GBP1: variants seen among roughly 807,000 people sequenced by gnomAD.
The protein encoded by GBP1 is guanylate-binding protein 1.
In GBP1, 64 loss-of-function variants were observed where a neutral mutation model predicts 69.5. The ratio of observed to expected loss-of-function variants is 0.92; its 90% CI spans 0.75 to 1.13. GBP1 has a LOEUF of 1.13. Ranked by LOEUF, GBP1 falls within the 50% of genes most tolerant of loss-of-function variation. GBP1 has a pLI of 0.00. For missense variants in GBP1, 630 were observed against 704.1 expected, an observed-to-expected ratio of 0.89 and a Z score of 1.19; for synonymous variants, 250 against 261.2, an observed-to-expected ratio of 0.96 and a Z score of 0.41.
intron 8 of GBP1, chr1:89,055,611 C>A: frequency 2.8e-6 from 1 of 351,374 alleles, no homozygotes; most frequent in Non-Finnish European, 5.3e-6. Context: ...GATGGGGGAA[C>A]ACTGGACAGA....
chr1:89,053,982 T>C (rs1570934552), intron 10 of GBP1, among the ~76,000 whole-genome samples: 1 of 152,258 alleles, frequency 6.6e-6, no homozygotes, highest in Non-Finnish European at 1.5e-5. Context: ...CGCTAAGTGA[T>C]GAAGACAGCT....
At position 89,063,231 on chromosome 1, in the gene GBP1, C is replaced by T; in HGVS notation, c.4G>A (p.Ala2Thr). 1 of 1,613,798 alleles carries T rather than the reference C, an allele frequency of 6.2e-7. No homozygotes were observed. The highest frequency in any genetic ancestry group is 1.3e-5 in the African/African-American group (1 of 75,006). Reference protein sequence around the residue: MASEIHMTGPMC... With the variant: MTSEIHMTGPMC... ...GGGCCTGTCATGTGGATCTCTGATG[C>T]CATGTCCAGGCTGTTCCCTTGTCTG... Residue 2 changes from alanine to threonine, a missense_variant, in exon 2 of 11, where the codon GCA becomes ACA. Physicochemically the swap from Ala to Thr is moderately conservative, Grantham distance 58. Coordinates refer to ENST00000370473, the MANE Select transcript of GBP1 (RefSeq NM_002053.3).
At position 89,056,897 on chromosome 1, in the gene GBP1, C is replaced by G; in HGVS notation, c.1112G>C (p.Ser371Thr). 1 of 1,614,248 alleles carries G rather than the reference C, an allele frequency of 6.2e-7. No homozygotes were observed. The highest frequency in any genetic ancestry group is 8.5e-7 in the Non-Finnish European group (1 of 1,180,046). ...TAGATGGTCCACATCTTTGAAGGAACTCCTGATGAAGACTTCAATGGCCTC... is the reference window on the plus strand; with the variant it reads ...TAGATGGTCCACATCTTTGAAGGAAGTCCTGATGAAGACTTCAATGGCCTC... ...EREAIEVFIR[S>T]SFKDVDHLFQ... is the part of the protein sequence containing the mutation. The change falls in exon 7 of 11, where the codon AGT (serine) becomes ACT (threonine). Residue 371 changes from serine (S) to threonine (T), a missense_variant. Around this residue, in one of 5 missense-constraint regions of GBP1, gnomAD observed 367 missense variants for 369.5 expected, o/e 0.99. Coordinates refer to ENST00000370473, the MANE Select transcript of GBP1 (RefSeq NM_002053.3).
At position 89,054,891 on chromosome 1, in the gene GBP1, C is replaced by A. The variant is rs10922554; in HGVS notation, c.1472-16G>T. The A allele has an allele frequency of 0.78, 1,246,887 of 1,607,436 alleles. 486,508 individuals are homozygous for A. Among genetic ancestry groups the A allele is most frequent in the African/African-American group, 0.81 (60,319 of 74,464 alleles). On this transcript the variant is annotated splice_polypyrimidine_tract_variant and intron_variant, in intron 9 of 10. Transcript: ENST00000370473. ...ACACGTTCCACTGAGGAGGAAAAGGCAGAAGAAAAATTTGTGTGGGGTTAT... is the reference window on the plus strand; with the variant it reads ...ACACGTTCCACTGAGGAGGAAAAGGAAGAAGAAAAATTTGTGTGGGGTTAT...
At position 89,059,384 on chromosome 1, in the gene GBP1, G is replaced by T; in HGVS notation, c.361C>A (p.Leu121Ile). 1 of 1,614,126 alleles carries T rather than the reference G, an allele frequency of 6.2e-7. No individual in the cohort carries two copies. Among genetic ancestry groups the T allele is most frequent in the Non-Finnish European group, 8.5e-7 (1 of 1,180,010 alleles). ...NDSWIFALAV[L>I]LSSTFVYNSI... ...TTGTACACGAAGGTGCTGCTCAGGA[G>T]GACGGCCAGGGCGAAGATCCAGGAG... is the stretch of plus-strand genomic sequence containing the variant. Residue 121 changes from leucine to isoleucine, a missense_variant, in exon 4 of 11, where the codon CTC becomes ATC. By Grantham distance (5) the Leu-to-Ile change is conservative. This residue lies in a region of GBP1 where 26 missense variants were observed against 54.9 expected (regional missense o/e 0.47). Transcript: ENST00000370473.
At chr1:89,056,516 C>T (rs190867443) in intron 7 of GBP1, among the ~76,000 whole-genome samples, 7 of 152,284 alleles carry the variant, frequency 4.6e-5, no homozygotes, top group South Asian at 2.1e-4. Context: ...TGTGGCTGAA[C>T]GGAAGCCTGC....
Position 89,063,381 on chromosome 1 carries a change from A to G in GBP1, c.-19-128T>C, listed in dbSNP as rs527325586. 3 of 736,502 alleles carry G rather than the reference A, an allele frequency of 4.1e-6. No homozygotes were observed. The African/African-American group carries it at 5.3e-5, about 13-fold the overall frequency. The allele number at this position is 736,502 out of a possible 1,614,324, so 45.6% of individuals were successfully genotyped here. On this transcript the variant is annotated intron_variant, in intron 1 of 10. Coordinates refer to ENST00000370473, the MANE Select transcript of GBP1 (RefSeq NM_002053.3). The stretch of plus-strand genomic sequence containing the variant: ...GCAAAAGAGATGAGGCAAAATCTGT[A>G]TCATTTGAGAAAGTTATGGAAGTAT...
chr1:89,056,944 G>C lies in GBP1; in HGVS notation c.1065C>G (p.Asp355Glu), dbSNP rs746746558. The change falls in exon 7 of 11, where the codon GAC (aspartate) becomes GAG (glutamate). Residue 355 changes from aspartate (D) to glutamate (E), a missense_variant. Coordinates refer to ENST00000370473, the MANE Select transcript of GBP1 (RefSeq NM_002053.3). ...CCTCTCTCTCACTGTCCCTGTGCAG[G>C]TCCAGCAGCTCCTGGAGGGTTTCTG... ...LPTETLQELL[D>E]LHRDSEREAI... The C allele has an allele frequency of 6.2e-7, 1 of 1,614,196 alleles. No individual in the cohort carries two copies. The highest frequency in any genetic ancestry group is 1.1e-5 in the South Asian group (1 of 91,090).
At chr1:89,060,856 A>G (rs906683134) in intron 2 of GBP1, among the ~76,000 whole-genome samples, 17 of 152,286 alleles carry the variant, frequency 1.1e-4, no homozygotes, top group Non-Finnish European at 2.4e-4. Context: ...AATTCATCAA[A>G]GTTGCAGCAT....
chr1:89,058,946 G>C lies in GBP1; in HGVS notation c.526C>G (p.Pro176Ala). The C allele has an allele frequency of 6.2e-7, 1 of 1,614,102 alleles. No individual in the cohort carries two copies. The highest frequency in any genetic ancestry group is 8.5e-7 in the Non-Finnish European group (1 of 1,180,034). Reference sequence around the variant, plus strand: ...TCTCTCAGTGTCCACACAAAGTCTGGGAAGAAGCTCACAAAGTCAGCTGAA... The same window carrying C: ...TCTCTCAGTGTCCACACAAAGTCTGCGAAGAAGCTCACAAAGTCAGCTGAA... ...EDSADFVSFF[P>A]DFVWTLRDFS... Residue 176 changes from proline to alanine, a missense_variant, in exon 5 of 11, where the codon CCA becomes GCA. Around this residue, in one of 5 missense-constraint regions of GBP1, gnomAD observed 367 missense variants for 369.5 expected, o/e 0.99. Coordinates refer to ENST00000370473, the MANE Select transcript of GBP1 (RefSeq NM_002053.3).
At chr1:89,061,453 G>C (rs575341759) in intron 2 of GBP1, among the ~76,000 whole-genome samples, 68 of 152,158 alleles carry the variant, frequency 4.5e-4, no homozygotes, top group Non-Finnish European at 7.8e-4. Flanking sequence ...TTGAGGAAAT[G>C]ATATATCTCC....
intron 1 of GBP1, among the ~76,000 whole-genome samples, chr1:89,063,703 C>T (rs1318657339): frequency 2.6e-5 from 4 of 152,168 alleles, no homozygotes; most frequent in African/African-American, 9.7e-5. Flanking sequence ...AGAAAAATTT[C>T]CAAAGATTTT....
intron 10 of GBP1, 110 bp downstream of exon 10, chr1:89,054,572 C>G: frequency 6.2e-6 from 6 of 964,568 alleles, no homozygotes; most frequent in Non-Finnish European, 9.6e-6. Flanking sequence ...AGTAAGCAAG[C>G]AGGGTCCTTA....
intron 2 of GBP1, among the ~76,000 whole-genome samples, chr1:89,062,006 A>G (rs1288697835): frequency 1.3e-5 from 2 of 152,132 alleles, no homozygotes; most frequent in Non-Finnish European, 2.9e-5. Flanking sequence ...AAACCACTGA[A>G]AATAAAAAAT....
At chr1:89,059,129 C>T (rs1218216223) in intron 4 of GBP1, 86 bp from the exon 5 acceptor site, 5 of 1,594,200 alleles carry the variant, frequency 3.1e-6, no homozygotes, top group Non-Finnish European at 4.3e-6. Flanking sequence ...CTTCCATTTT[C>T]CTTTGCTCCT....
At chr1:89,060,956 A>G (rs1680180742) in intron 2 of GBP1, among the ~76,000 whole-genome samples, 1 of 152,262 alleles carries the variant, frequency 6.6e-6, no homozygotes, top group Admixed American at 6.5e-5. Flanking sequence ...TCAAAAGAAT[A>G]AACTACTTAG....
At position 89,053,329 on chromosome 1, in the gene GBP1, TA is replaced by T. The variant is rs1302476181; in HGVS notation, c.*25del. ...AAAATTGTTTCAATTATGCCTTGGT[TA>T]GGGGTGACAGGAAGGCTCTGGTCTT... is the stretch of plus-strand genomic sequence containing the variant. On this transcript the variant is annotated 3_prime_UTR_variant, in exon 11 of 11. Coordinates refer to ENST00000370473, the MANE Select transcript of GBP1 (RefSeq NM_002053.3). 6 of 1,576,208 alleles carry T rather than the reference TA, an allele frequency of 3.8e-6. No homozygotes were observed. Among genetic ancestry groups the T allele is most frequent in the African/African-American group, 1.4e-5 (1 of 73,834 alleles).
chr1:89,059,629 C>T (rs535571219), intron 3 of GBP1, among the ~76,000 whole-genome samples: 17 of 143,660 alleles, frequency 1.2e-4, no homozygotes, highest in African/African-American at 3.1e-4. Flanking sequence ...GGTAGTTTTT[C>T]GACGAGTGTT....
In GBP1 at chr1:89,056,177, A is replaced by C; in HGVS notation, c.1207T>G (p.Ser403Ala). Reference sequence around the variant, plus strand: ...AGTAAAGCTGAGCAACGATCTGATGATGCTTCCTGATTCTGTTTACAAAAG... The same window carrying C: ...AGTAAAGCTGAGCAACGATCTGATGCTGCTTCCTGATTCTGTTTACAAAAG... The part of the protein sequence containing the change: ...DDFCKQNQEA[S>A]SDRCSALLQV... The change falls in exon 8 of 11, where the codon TCA (serine) becomes GCA (alanine). Residue 403 changes from serine (S) to alanine (A), a missense_variant. Coordinates refer to ENST00000370473, the MANE Select transcript of GBP1 (RefSeq NM_002053.3). 1 of 1,613,968 alleles carries C rather than the reference A, an allele frequency of 6.2e-7. No homozygotes were observed. The highest frequency in any genetic ancestry group is 8.5e-7 in the Non-Finnish European group (1 of 1,179,848).
Sources: allele counts gnomAD v4.1 joint callset (sites outside exome capture counted in the v4.1 genomes callset), GRCh38; gene constraint gnomAD v4.1.1; regional missense constraint gnomAD v4.1.1; transcripts MANE v1.5; gene names NCBI Gene and HGNC (gene_info 2026-07-23, HGNC 2026-07-21).